CATSPERG: variants seen among roughly 807,000 people sequenced by gnomAD.
CATSPERG encodes the protein catsper channel auxiliary subunit gamma, also known as cation channel sperm-associated auxiliary subunit gamma.
In CATSPERG, 115 loss-of-function variants were observed where a neutral mutation model predicts 145.0. The ratio of observed to expected loss-of-function variants is 0.79; its 90% CI spans 0.68 to 0.93. The LOEUF is 0.93. Among genes scored for constraint, CATSPERG ranks in the 40% least tolerant of loss-of-function variants. CATSPERG has a pLI of 0.00. For synonymous variants in CATSPERG, 588 were observed against 589.0 expected, an observed-to-expected ratio of 1.00 and a Z score of 0.02; for missense variants, 1,296 against 1,490.1, an observed-to-expected ratio of 0.87 and a Z score of 2.14.
intron 25 of CATSPERG, 104 bp downstream of exon 25, chr19:38,367,880 G>A: frequency 8.1e-7 from 1 of 1,236,738 alleles, no homozygotes; most frequent in Non-Finnish European, 1.2e-6. Context: ...CTGCGTCTCA[G>A]GCCCTGCCCA....
chr19:38,354,827 T>C lies in CATSPERG; in HGVS notation c.1115T>C (p.Val372Ala). Residue 372 changes from valine (V) to alanine (A), a missense_variant, in exon 9 of 29, where the codon GTA becomes GCA. Coordinates refer to ENST00000409235, the MANE Select transcript of CATSPERG (RefSeq NM_021185.5). ...ACCACGGGCAAGCATGAGGGTTATG[T>C]ACACTTCGGGACCATCAGAGGTAAG... ...ALTTGKHEGY[V>A]HFGTIRDGQV... The C allele has an allele frequency of 1.2e-6, 2 of 1,614,138 alleles. No individual in the cohort carries two copies. Among genetic ancestry groups the C allele is most frequent in the Non-Finnish European group, 1.7e-6 (2 of 1,180,018 alleles).
intron 3 of CATSPERG, among the ~76,000 whole-genome samples, chr19:38,338,422 A>G (rs550396016): frequency 6.6e-6 from 1 of 152,194 alleles, no homozygotes; most frequent in Non-Finnish European, 1.5e-5. Context: ...TGCTGGGATT[A>G]CAGGCGTGAG....
Position 38,337,577 on chromosome 19 carries a change from T to C in CATSPERG, c.271-16T>C. The C allele has an allele frequency of 3.9e-6, 6 of 1,551,800 alleles. No individual in the cohort carries two copies. The highest frequency in any genetic ancestry group is 4.4e-6 in the Non-Finnish European group (5 of 1,147,006). On this transcript the variant is annotated splice_polypyrimidine_tract_variant and intron_variant, in intron 2 of 28. Coordinates refer to ENST00000409235, the MANE Select transcript of CATSPERG (RefSeq NM_021185.5). The stretch of plus-strand genomic sequence containing the variant: ...TCCACTCATTTCTGGACGTGTGGCC[T>C]AACCTCTCTTTGCAGAAATACCTGG...
At chr19:38,346,392 G>A (rs1432594299) in intron 6 of CATSPERG, 58 bp from the exon 7 acceptor site, 3 of 1,461,882 alleles carry the variant, frequency 2.1e-6, no homozygotes, top group Admixed American at 2.2e-5. Flanking sequence ...ACCTAAATGA[G>A]ATGGAGTCTC....
rs752033885 is a variant in CATSPERG at position 38,359,605 on chromosome 19, C to T, written c.1608+24C>T. 12 of 1,601,300 alleles carry T rather than the reference C, an allele frequency of 7.5e-6. No homozygotes were observed. The East Asian group carries it at 2.5e-4, about 33-fold the overall frequency. Reference sequence around the variant, plus strand: ...AGGTGGGCTGCCCCGCCCCTCTCCCCGTTCCCTCTCTGCCCACCCCCAAAC... The same window carrying T: ...AGGTGGGCTGCCCCGCCCCTCTCCCTGTTCCCTCTCTGCCCACCCCCAAAC... On this transcript the variant is annotated intron_variant, in intron 14 of 28. Transcript: ENST00000409235.
intron 3 of CATSPERG, among the ~76,000 whole-genome samples, chr19:38,342,173 C>T (rs1200841493): frequency 1.3e-5 from 2 of 150,130 alleles, no homozygotes; most frequent in Non-Finnish European, 3.0e-5. Flanking sequence ...GCCAAGAGTT[C>T]AAGACCAACC....
In CATSPERG at chr19:38,364,974, G is replaced by A. The variant is rs1970422758; in HGVS notation, c.2556+3G>A. On this transcript the variant is annotated splice_donor_region_variant and intron_variant, in intron 21 of 28. Transcript: ENST00000409235. ...TGGAGACTTCCATGACGGTCAATGT[G>A]AGGTCCAAGCCTGGAGGGGAGGGTG... 1 of 1,613,912 alleles carries A rather than the reference G, an allele frequency of 6.2e-7. No individual in the cohort carries two copies. Among genetic ancestry groups the A allele is most frequent in the African/African-American group, 1.3e-5 (1 of 74,936 alleles).
Position 38,359,477 on chromosome 19 carries a change from A to G in CATSPERG, c.1504A>G (p.Lys502Glu). 2.5e-6 allele frequency: 4 copies of G among 1,612,066 alleles called. No individual in the cohort carries two copies. Among genetic ancestry groups the G allele is most frequent in the Non-Finnish European group, 3.4e-6 (4 of 1,178,256 alleles). The stretch of plus-strand genomic sequence containing the variant: ...CCATCTCTGTCCCTGCAGCTCTAAC[A>G]AGGAAAACTTCATCTACCTGGCAGA... ...WGNFLLQSSN[K>E]ENFIYLADFP... The change falls in exon 14 of 29, where the codon AAG becomes GAG. Residue 502 changes from lysine to glutamate, a missense_variant. Coordinates refer to ENST00000409235, the MANE Select transcript of CATSPERG (RefSeq NM_021185.5).
At chr19:38,362,158 A>G (rs995146955) in intron 17 of CATSPERG, 52 bp from the exon 18 acceptor site, 23 of 1,544,364 alleles carry the variant, frequency 1.5e-5, no homozygotes, top group Non-Finnish European at 1.8e-5. Flanking sequence ...GCTTGCCTGG[A>G]GGCTCTCGCC....
chr19:38,344,856 GACACACAC>G (rs34101460), intron 6 of CATSPERG, among the ~76,000 whole-genome samples: 3,418 of 92,316 alleles, frequency 0.037, 278 homozygotes, highest in East Asian at 0.19. Flanking sequence ...TACATGAACA[GACACACAC>G]ACACACACAC....
intron 1 of CATSPERG, chr19:38,336,712 G>A (rs1052347978): frequency 6.2e-5 from 16 of 258,560 alleles, no homozygotes; most frequent in African/African-American, 3.1e-4. Context: ...GCAGTACGGG[G>A]GAACTTAAGA....
chr19:38,364,498 C>G (rs1388775456), intron 20 of CATSPERG, among the ~76,000 whole-genome samples: 1 of 152,074 alleles, frequency 6.6e-6, no homozygotes, highest in African/African-American at 2.4e-5. Context: ...GGCAGAGACA[C>G]TCCTCACTTC....
rs1314123037 is a variant in CATSPERG, at chr19:38,361,862, G to C, written c.2094+1G>C. 1.9e-6 allele frequency: 3 copies of C among 1,604,188 alleles called. No individual in the cohort carries two copies. The highest frequency in any genetic ancestry group is 2.6e-6 in the Non-Finnish European group (3 of 1,175,806). On this transcript the variant is annotated splice_donor_variant, in intron 17 of 28. Transcript: ENST00000409235. LOFTEE classifies it high-confidence loss of function. Reference sequence around the variant, plus strand: ...GTGGCTGCACTCCGTGTACGACAAGGTGGGCGTCCGGCGGCGGGCGGGCAG... The same window carrying C: ...GTGGCTGCACTCCGTGTACGACAAGCTGGGCGTCCGGCGGCGGGCGGGCAG...
At chr19:38,366,982 C>G in intron 22 of CATSPERG, 174 bp from the exon 23 acceptor site, 4 of 621,320 alleles carry the variant, frequency 6.4e-6, no homozygotes, top group Non-Finnish European at 1.1e-5. Context: ...GCATGAGCCA[C>G]TGCACCAGGC....
At position 38,358,447 on chromosome 19, in the gene CATSPERG, TC is replaced by T. The variant is rs1012319996; in HGVS notation, c.1384del (p.Leu462Ter). On this transcript the variant is annotated frameshift_variant, in exon 13 of 29. Transcript: ENST00000409235. LOFTEE classifies it high-confidence loss of function. Reference protein sequence around the residue: ...EFIPEARGLEFLMILGTESYT... With the variant: ...EFIPEARGLEXLMILGTESYT... ...CTCCGGTCAGCTCGAGGATTGGAGT[TC>T]CTGATGATCCTAGGGACAGAGTCCT... The T allele has an allele frequency of 2.5e-6, 4 of 1,614,048 alleles. No individual in the cohort carries two copies. Among genetic ancestry groups the T allele is most frequent in the Non-Finnish European group, 2.5e-6 (3 of 1,180,000 alleles).
intron 6 of CATSPERG, 78 bp from the exon 7 acceptor site, chr19:38,346,372 C>A: frequency 7.3e-7 from 1 of 1,375,336 alleles, no homozygotes; most frequent in Non-Finnish European, 9.8e-7. Context: ...GGGTCCAGGT[C>A]AGGCCTTGGA....
chr19:38,342,311 CAAAG>C (rs1969952523), intron 3 of CATSPERG, among the ~76,000 whole-genome samples: 1 of 151,692 alleles, frequency 6.6e-6, no homozygotes, highest in Non-Finnish European at 1.5e-5. Flanking sequence ...AAACAGTTTT[CAAAG>C]AAAGAATGGC....
chr19:38,348,099 C>T (rs1473625742), intron 7 of CATSPERG, among the ~76,000 whole-genome samples: 1 of 152,134 alleles, frequency 6.6e-6, no homozygotes, highest in Non-Finnish European at 1.5e-5. Context: ...GACCATCTTC[C>T]TGTCCTGTGT....
At chr19:38,346,725 G>A (rs752125997) in intron 7 of CATSPERG, 120 bp downstream of exon 7, 52 of 875,764 alleles carry the variant, frequency 5.9e-5, no homozygotes, top group Non-Finnish European at 7.7e-5. Flanking sequence ...GTCCCCATGA[G>A]AGGCAGATAG....
Sources: gnomAD v4.1 joint callset for allele counts (sites outside exome capture counted in the v4.1 genomes callset) on GRCh38, gnomAD v4.1.1 for gene constraint, MANE v1.5 for transcripts, NCBI Gene and HGNC (gene_info 2026-07-23, HGNC 2026-07-21) for gene names.